Variants in DENND4A observed in about 807,000 individuals in gnomAD.
The protein encoded by DENND4A is C-myc promoter-binding protein.
In DENND4A, 70 loss-of-function variants were observed where a neutral mutation model predicts 199.3. That is an observed-to-expected ratio of 0.35 (90% CI 0.29 to 0.43). The LOEUF (loss-of-function observed/expected upper bound fraction) is 0.43, where lower values mean the gene tolerates loss of function less well. DENND4A is among the 20% of genes least tolerant of loss of function. DENND4A has a pLI of 1.00. For synonymous variants in DENND4A, 686 were observed against 766.9 expected, an observed-to-expected ratio of 0.89 and a Z score of 1.74; for missense variants, 1,723 against 2,255.8, an observed-to-expected ratio of 0.76 and a Z score of 4.78.
chr15:65,686,183 ATC>A (rs985812405), intron 23 of DENND4A, among the ~76,000 whole-genome samples: 9 of 152,144 alleles, frequency 5.9e-5, no homozygotes, highest in African/African-American at 2.2e-4. Context: ...ATTTATTTAA[ATC>A]TCTTTTAAAA....
intron 17 of DENND4A, among the ~76,000 whole-genome samples, 194 bp downstream of exon 17, chr15:65,702,111 A>C (rs955153131): frequency 6.6e-6 from 1 of 152,154 alleles, no homozygotes; most frequent in Admixed American, 6.5e-5. Context: ...AAAAAATTAA[A>C]AAATTAGCCA....
chr15:65,707,781 G>C (rs2075110346), intron 14 of DENND4A, among the ~76,000 whole-genome samples: 3 of 151,878 alleles, frequency 2.0e-5, no homozygotes, highest in Non-Finnish European at 2.9e-5. Flanking sequence ...CGCCTCCCAG[G>C]TTCAAGCAAT....
chr15:65,774,228 C>T (rs965130790), intron 1 of DENND4A, among the ~76,000 whole-genome samples: 4 of 151,532 alleles, frequency 2.6e-5, no homozygotes, highest in African/African-American at 9.7e-5. Flanking sequence ...CGGTGGCTCA[C>T]GCCTGTAATC....
At chr15:65,698,467 A>G (rs184005535) in intron 20 of DENND4A, among the ~76,000 whole-genome samples, 67 of 152,298 alleles carry the variant, frequency 4.4e-4, no homozygotes, top group South Asian at 8.3e-4. Flanking sequence ...TGAAGTTCCC[A>G]AATTTGTAAA....
chr15:65,766,250 C>CAAAA (rs5813366), intron 1 of DENND4A, among the ~76,000 whole-genome samples: 5 of 93,886 alleles, frequency 5.3e-5, no homozygotes, highest in East Asian at 2.5e-4. Flanking sequence ...GACTCCACCT[C>CAAAA]AAAAAAAAAA....
intron 7 of DENND4A, among the ~76,000 whole-genome samples, chr15:65,734,361 C>G (rs1237476348): frequency 4.6e-5 from 7 of 152,136 alleles, no homozygotes; most frequent in Non-Finnish European, 8.8e-5. Flanking sequence ...GACCTTTGTT[C>G]ACGTGTTTGT....
intron 14 of DENND4A, among the ~76,000 whole-genome samples, chr15:65,707,784 C>G (rs2075110529): frequency 6.6e-6 from 1 of 151,666 alleles, no homozygotes; most frequent in African/African-American, 2.4e-5. Context: ...CTCCCAGGTT[C>G]AAGCAATTCT....
At chr15:65,692,400 A>G (rs1302262883) in intron 22 of DENND4A, among the ~76,000 whole-genome samples, 1 of 152,182 alleles carries the variant, frequency 6.6e-6, no homozygotes, top group African/African-American at 2.4e-5. Flanking sequence ...GATCACTTTA[A>G]TTGTTCTTAC....
At position 65,706,169 on chromosome 15, in the gene DENND4A, T is replaced by C; in HGVS notation, c.2009A>G (p.Lys670Arg). 1.2e-6 allele frequency: 2 copies of C among 1,606,884 alleles called. No homozygotes were observed. The highest frequency in any genetic ancestry group is 1.1e-5 in the South Asian group (1 of 89,520). The change falls in exon 15 of 33, where the codon AAA becomes AGA. Residue 670 changes from lysine (K) to arginine (R), a missense_variant. Around this residue, in one of 6 missense-constraint regions of DENND4A, gnomAD observed 725 missense variants for 952.9 expected, o/e 0.76. Coordinates refer to ENST00000443035, the MANE Select transcript of DENND4A (RefSeq NM_001320835.1). ...TGTTACAAAAACAGTGTGTTCACTT[T>C]TGAAAGATTCATCCAGTTCTATAAG... ...VRLIELDESF[K>R]SEHTVFVTPP...
At position 65,659,325 on chromosome 15, in the gene DENND4A, T is replaced by TTG. The variant is rs2075780115; in HGVS notation, c.*2525_*2526insCA. On this transcript the variant is annotated 3_prime_UTR_variant, in exon 33 of 33. Transcript: ENST00000443035. Reference sequence around the variant, plus strand: ...TTTAAATGATTGATATTTTCTGGTTTTTTTTTTTTTTTTTTTTTTTTTTTT... The same window carrying TTG: ...TTTAAATGATTGATATTTTCTGGTTTTGTTTTTTTTTTTTTTTTTTTTTTTTT... 1 of 82,782 alleles carries TTG rather than the reference T, an allele frequency of 1.2e-5. No homozygotes were observed. The highest frequency in any genetic ancestry group is 2.3e-5 in the Non-Finnish European group (1 of 43,074). 5.1% of individuals were successfully genotyped at this position (82,782 alleles called of 1,614,324 possible). A position where few individuals can be genotyped will look rare whatever the true frequency, so the allele number is the denominator to read the frequency against.
rs376942005 is a variant in DENND4A at position 65,684,567 on chromosome 15, T to C, written c.4179+5848A>G. Among the ~76,000 whole-genome samples, 37 of 152,328 alleles carry C rather than the reference T, an allele frequency of 2.4e-4. No individual in the cohort carries two copies. In the South Asian group the frequency reaches 7.7e-3, roughly 32 times the overall value. On this transcript the variant is annotated intron_variant, in intron 23 of 32. Transcript: ENST00000443035. Reference sequence around the variant, plus strand: ...TTTTTAACTTGGGTTGTTTATCTTATCATTGAGCTGTGTGAGTTGTTTGTA... The same window carrying C: ...TTTTTAACTTGGGTTGTTTATCTTACCATTGAGCTGTGTGAGTTGTTTGTA...
chr15:65,676,294 G>A, intron 24 of DENND4A, 151 bp downstream of exon 24: 1 of 645,826 alleles, frequency 1.5e-6, no homozygotes, highest in Non-Finnish European at 2.4e-6. Flanking sequence ...TTTTGTGAAA[G>A]TGCCTTGGTT....
chr15:65,761,101 G>A (rs1219981090), intron 2 of DENND4A, among the ~76,000 whole-genome samples: 1 of 152,178 alleles, frequency 6.6e-6, no homozygotes, highest in Admixed American at 6.5e-5. Flanking sequence ...ATAGAACGCA[G>A]GAAATAACTA....
In DENND4A at chr15:65,690,379, G is replaced by T. The variant is rs746895614; in HGVS notation, c.4179+36C>A. 27 of 1,526,762 alleles carry T rather than the reference G, an allele frequency of 1.8e-5. No individual in the cohort carries two copies. The Admixed American group carries it at 4.0e-4, about 22-fold the overall frequency. The allele number at this position is 1,526,762 out of a possible 1,614,324, so 94.6% of individuals were successfully genotyped here. Reference sequence around the variant, plus strand: ...TTTTGGTGGTGATGGATATGTGTGTGTGACAGTAAAAGTAGCAAATACTAA... The same window carrying T: ...TTTTGGTGGTGATGGATATGTGTGTTTGACAGTAAAAGTAGCAAATACTAA... On this transcript the variant is annotated intron_variant, in intron 23 of 32. Coordinates refer to ENST00000443035, the MANE Select transcript of DENND4A (RefSeq NM_001320835.1).
At position 65,700,585 on chromosome 15, in the gene DENND4A, C is replaced by T. The variant is rs774439942; in HGVS notation, c.2792G>A (p.Gly931Asp). 6.5e-7 allele frequency: 1 copy of T among 1,545,246 alleles called. No individual in the cohort carries two copies. Among genetic ancestry groups the T allele is most frequent in the South Asian group, 1.2e-5 (1 of 83,252 alleles). The change falls in exon 20 of 33, where the codon GGT (glycine) becomes GAT (aspartate). Residue 931 changes from glycine (G) to aspartate (D), a missense_variant. Physicochemically the swap from Gly to Asp is moderately conservative, Grantham distance 94 (BLOSUM62 -1). Around this residue, in one of 6 missense-constraint regions of DENND4A, gnomAD observed 650 missense variants for 738.1 expected, o/e 0.88. Transcript: ENST00000443035. ...ATCAGTAGCATATACTTTGATTAAA[C>T]CCGTATTAAAAGGTGCCTGCTCCAC... is the stretch of plus-strand genomic sequence containing the variant. Reference protein sequence around the residue: ...HTVEQAPFNTGLIKVYATDDR... With the variant: ...HTVEQAPFNTDLIKVYATDDR...
At chr15:65,779,430 A>G (rs542238083) in intron 1 of DENND4A, among the ~76,000 whole-genome samples, 12 of 149,996 alleles carry the variant, frequency 8.0e-5, no homozygotes, top group South Asian at 4.3e-4. Context: ...CCTGGGAGAT[A>G]GAGTGAGACT....
chr15:65,691,250 A>G lies in DENND4A; in HGVS notation c.3344T>C (p.Ile1115Thr), dbSNP rs1349789936. The G allele has an allele frequency of 1.9e-6, 3 of 1,613,130 alleles. No individual in the cohort carries two copies. Among genetic ancestry groups the G allele is most frequent in the African/African-American group, 1.3e-5 (1 of 74,878 alleles). ...GADAKILSNVISKSTRPNTLD... is the reference protein window; with the variant it reads ...GADAKILSNVTSKSTRPNTLD... The stretch of plus-strand genomic sequence containing the variant: ...AGTATTTGGTCTCGTGCTTTTTGAG[A>G]TAACATTTGAAAGAATTTTTGCATC... Residue 1115 changes from isoleucine (I) to threonine (T), a missense_variant, in exon 23 of 33, where the codon ATC becomes ACC. Physicochemically the swap from Ile to Thr is moderately conservative, Grantham distance 89. Transcript: ENST00000443035.
At chr15:65,774,617 CTG>C (rs1695166478) in intron 1 of DENND4A, among the ~76,000 whole-genome samples, 1 of 152,122 alleles carries the variant, frequency 6.6e-6, no homozygotes, top group Non-Finnish European at 1.5e-5. Context: ...GCTGAGTGAG[CTG>C]AGATCGTGCC....
At chr15:65,703,526 G>C (rs977278843) in intron 15 of DENND4A, among the ~76,000 whole-genome samples, 1 of 152,214 alleles carries the variant, frequency 6.6e-6, no homozygotes, top group African/African-American at 2.4e-5. Flanking sequence ...GAATTGGTTT[G>C]TCAGGTTAGC....
Sources: gnomAD v4.1 joint callset for allele counts (sites outside exome capture counted in the v4.1 genomes callset) on GRCh38, gnomAD v4.1.1 for gene constraint, gnomAD v4.1.1 regional missense constraint, MANE v1.5 for transcripts, NCBI Gene and HGNC (gene_info 2026-07-23, HGNC 2026-07-21) for gene names.